Variants in ANKS1B observed in about 807,000 individuals in gnomAD.
ANKS1B encodes ankyrin repeat and sterile alpha motif domain containing 1B.
ANKS1B carries 36 observed loss-of-function variants against 148.3 expected under a neutral mutation model. The observed-to-expected ratio is 0.24, with a 90% CI of 0.19 to 0.32. The LOEUF is 0.32. Ranked by LOEUF, ANKS1B falls within the 10% of genes least tolerant of loss-of-function variation. The probability of loss-of-function intolerance (pLI) is 1.00; values close to 1 mark genes in which losing one functional copy is unlikely to be tolerated. For missense variants in ANKS1B, 1,157 were observed against 1,542.6 expected (o/e 0.75, Z 4.19); for synonymous variants, 542 against 560.8 (o/e 0.97, Z 0.47).
chr12:99,883,152 T>C (rs2153740042), intron 1 of ANKS1B, among the ~76,000 whole-genome samples: 1 of 152,296 alleles, frequency 6.6e-6, no homozygotes, highest in Admixed American at 6.5e-5. Flanking sequence ...TTAGAGTATG[T>C]TTAACAGTTA....
chr12:98,757,442 C>T (rs772226437), intron 25 of ANKS1B, among the ~76,000 whole-genome samples: 49 of 152,210 alleles, frequency 3.2e-4, no homozygotes, highest in Admixed American at 2.6e-3. Flanking sequence ...GAACACCATG[C>T]GATGCTGCAG....
At chr12:99,537,172 C>G (rs2097078532) in intron 9 of ANKS1B, among the ~76,000 whole-genome samples, 1 of 152,124 alleles carries the variant, frequency 6.6e-6, no homozygotes, top group South Asian at 2.1e-4. Flanking sequence ...TTGATGGACG[C>G]TTTGGTTGCT....
intron 21 of ANKS1B, 125 bp downstream of exon 21, chr12:98,800,872 A>C: frequency 8.2e-7 from 1 of 1,222,318 alleles, no homozygotes; most frequent in Non-Finnish European, 1.1e-6. Context: ...TGAAGAGAAA[A>C]ACATTTTAAA....
At chr12:98,759,019 G>T (rs1237217944) in intron 25 of ANKS1B, among the ~76,000 whole-genome samples, 1 of 149,864 alleles carries the variant, frequency 6.7e-6, no homozygotes, top group Non-Finnish European at 1.5e-5. Context: ...GGCCTCAAGT[G>T]ATCCTCCTGC....
chr12:98,811,492 G>A (rs979132132), intron 19 of ANKS1B, among the ~76,000 whole-genome samples: 2 of 152,198 alleles, frequency 1.3e-5, no homozygotes, highest in Non-Finnish European at 2.9e-5. Flanking sequence ...CTGCCTGGCA[G>A]AAGTCCAATT....
chr12:99,509,570 G>C (rs2096743874), intron 9 of ANKS1B, among the ~76,000 whole-genome samples: 1 of 151,950 alleles, frequency 6.6e-6, no homozygotes, highest in East Asian at 1.9e-4. Flanking sequence ...TTCAATGAAG[G>C]CTGCCAGAGG....
At chr12:99,772,802 G>A (rs1451421664) in intron 8 of ANKS1B, 120 bp downstream of exon 8, 5 of 1,067,912 alleles carry the variant, frequency 4.7e-6, no homozygotes, top group Admixed American at 6.3e-5. Context: ...AGAGCAATAA[G>A]GAAACTGACA....
chr12:99,214,521 C>T (rs187447664), intron 14 of ANKS1B, among the ~76,000 whole-genome samples: 49 of 152,300 alleles, frequency 3.2e-4, no homozygotes, highest in South Asian at 4.1e-4. Flanking sequence ...TGCTTTCTTG[C>T]CTGCCATCAC....
intron 3 of ANKS1B, 125 bp from the exon 4 acceptor site, chr12:99,806,825 T>A: frequency 1.0e-6 from 1 of 955,482 alleles, no homozygotes; most frequent in Non-Finnish European, 1.5e-6. Flanking sequence ...TTTTAACAAG[T>A]ATGCCTAATG....
chr12:99,872,266 A>G (rs2091608714), intron 1 of ANKS1B, among the ~76,000 whole-genome samples: 2 of 152,100 alleles, frequency 1.3e-5, no homozygotes, highest in African/African-American at 2.4e-5. Context: ...GTGTGTGTAT[A>G]CCAGTTAGAA....
intron 9 of ANKS1B, among the ~76,000 whole-genome samples, chr12:99,566,373 C>G (rs2097394171): frequency 6.6e-6 from 1 of 152,138 alleles, no homozygotes. Flanking sequence ...GCTAATAGTT[C>G]TGCAAGTATA....
In ANKS1B at chr12:99,894,520, A is replaced by C. The variant is rs563514603; in HGVS notation, c.135-69131T>G. On this transcript the variant is annotated intron_variant, in intron 1 of 26. Coordinates refer to ENST00000683438, the MANE Select transcript of ANKS1B (RefSeq NM_001352186.2). ...CGGGACCCTGTCTCAAAAAAAAAAA[A>C]AAAAAAAAAACAAGGTACAAATCGT... 2.7e-4 allele frequency among the ~76,000 whole-genome samples: 39 copies of C among 142,638 alleles called. 1 individual carries two copies. Among genetic ancestry groups the C allele is most frequent in the Admixed American group, 1.1e-3 (16 of 14,130 alleles). 93.6% of individuals were successfully genotyped at this position (142,638 alleles called of 152,430 possible).
At chr12:99,536,820 T>A (rs1316257011) in intron 9 of ANKS1B, among the ~76,000 whole-genome samples, 1 of 152,150 alleles carries the variant, frequency 6.6e-6, no homozygotes, top group Non-Finnish European at 1.5e-5. Context: ...TTTATTATAG[T>A]CACCCTGTTG....
At chr12:99,013,433 T>A (rs371909473) in intron 17 of ANKS1B, among the ~76,000 whole-genome samples, 1 of 152,128 alleles carries the variant, frequency 6.6e-6, no homozygotes, top group Non-Finnish European at 1.5e-5. Flanking sequence ...GCATTTCCTA[T>A]GTCCTAAGAA....
intron 14 of ANKS1B, among the ~76,000 whole-genome samples, chr12:99,190,693 T>G (rs1480813369): frequency 1.3e-5 from 2 of 152,080 alleles, no homozygotes; most frequent in African/African-American, 2.4e-5. Context: ...AAAAATTAAC[T>G]GAAGATGGAT....
intron 9 of ANKS1B, among the ~76,000 whole-genome samples, chr12:98,737,184 C>T (rs572986539): frequency 6.6e-6 from 1 of 152,326 alleles, no homozygotes; most frequent in South Asian, 2.1e-4. Flanking sequence ...TCCAGTTGTG[C>T]CCTTCTGCAT....
intron 1 of ANKS1B, among the ~76,000 whole-genome samples, chr12:99,859,283 T>G (rs1466867468): frequency 2.0e-5 from 3 of 152,190 alleles, no homozygotes; most frequent in Non-Finnish European, 4.4e-5. Flanking sequence ...CTGCTAACAG[T>G]GAAGAACTCT....
chr12:99,315,427 G>T (rs1020745063), intron 12 of ANKS1B, among the ~76,000 whole-genome samples: 7 of 152,078 alleles, frequency 4.6e-5, no homozygotes, highest in African/African-American at 9.7e-5. Flanking sequence ...GTGCTCAAAA[G>T]AAGACATTTA....
At chr12:99,938,841 G>A (rs2094845621) in intron 1 of ANKS1B, among the ~76,000 whole-genome samples, 2 of 152,172 alleles carry the variant, frequency 1.3e-5, no homozygotes, top group African/African-American at 4.8e-5. Flanking sequence ...TGCTCAGAAT[G>A]AGCCATCAGG....
Sources: allele counts gnomAD v4.1 joint callset (sites outside exome capture counted in the v4.1 genomes callset), GRCh38; gene constraint gnomAD v4.1.1; transcripts MANE v1.5; gene names NCBI Gene and HGNC (gene_info 2026-07-23, HGNC 2026-07-21).